The following ATP7B variants were observed in gnomAD, a reference collection of about 807,000 sequenced individuals.
The protein encoded by ATP7B is copper-transporting ATPase 2.
Under a neutral mutation model 118.9 loss-of-function variants are expected in ATP7B, and 113 were observed. The observed-to-expected ratio is 0.95, with a 90% CI of 0.82 to 1.11. The LOEUF (loss-of-function observed/expected upper bound fraction) is 1.11, where lower values mean the gene tolerates loss of function less well. ATP7B is among the 50% of genes most tolerant of loss of function. The pLI is 0.00. For missense variants in ATP7B, 1,867 were observed against 1,871.4 expected (o/e 1.00, Z 0.04); for synonymous variants, 777 against 727.4 (o/e 1.07, Z -1.10).
intron 1 of ATP7B, among the ~76,000 whole-genome samples, chr13:52,005,716 T>C (rs1366773136): frequency 6.6e-6 from 1 of 152,230 alleles, no homozygotes; most frequent in African/African-American, 2.4e-5. Context: ...TTCCAGCCTC[T>C]ACCCTTTACC....
At chr13:51,960,346 A>G in intron 6 of ATP7B, 24 bp from the exon 7 acceptor site, 2 of 1,608,934 alleles carry the variant, frequency 1.2e-6, no homozygotes, top group South Asian at 2.2e-5. Flanking sequence ...GCAGCAACAC[A>G]GATATATCAG....
chr13:51,977,915 T>C (rs1338761601), intron 1 of ATP7B, among the ~76,000 whole-genome samples: 2 of 152,220 alleles, frequency 1.3e-5, no homozygotes, highest in African/African-American at 4.8e-5. Context: ...GATGACATGG[T>C]ATAACAATAT....
At chr13:51,959,872 G>A in intron 7 of ATP7B, 1 of 487,276 alleles carries the variant, frequency 2.1e-6, no homozygotes, top group Non-Finnish European at 3.8e-6. Flanking sequence ...CAGCAAGGAG[G>A]TTGCTATTCC....
At chr13:51,968,732 CTGTT>C in intron 3 of ATP7B, 125 bp from the exon 4 acceptor site, 2 of 1,190,010 alleles carry the variant, frequency 1.7e-6, no homozygotes, top group South Asian at 1.3e-5. Context: ...TTTTCAAACA[CTGTT>C]TGAAAATGAG....
intron 3 of ATP7B, among the ~76,000 whole-genome samples, chr13:51,969,665 T>A (rs1216545656): frequency 6.6e-6 from 1 of 151,990 alleles, no homozygotes; most frequent in East Asian, 1.9e-4. Context: ...AGGATAAAAA[T>A]GAGGATTCAA....
chr13:52,004,562 G>A (rs1288117914), intron 1 of ATP7B, among the ~76,000 whole-genome samples: 3 of 152,132 alleles, frequency 2.0e-5, no homozygotes, highest in Non-Finnish European at 4.4e-5. Context: ...CATCAATCAG[G>A]AACCACCAAC....
At position 51,936,909 on chromosome 13, in the gene ATP7B, A is replaced by G. The variant is rs545013981; in HGVS notation, c.4021+367T>C. 2.0e-5 allele frequency among the ~76,000 whole-genome samples: 3 copies of G among 152,330 alleles called. No homozygotes were observed. In the East Asian group the frequency reaches 5.8e-4, roughly 29 times the overall value. On this transcript the variant is annotated intron_variant, in intron 19 of 20. Coordinates refer to ENST00000242839, the MANE Select transcript of ATP7B (RefSeq NM_000053.4). ...TTAATGTTCAGGATAAGGTTCTGAA[A>G]CACCAATAATTGTGCCTAGCATGTA...
chr13:51,974,441 T>C lies in ATP7B; in HGVS notation c.779A>G (p.Gln260Arg). 1 of 1,614,068 alleles carries C rather than the reference T, an allele frequency of 6.2e-7. No individual in the cohort carries two copies. The highest frequency in any genetic ancestry group is 1.1e-5 in the South Asian group (1 of 91,072). Residue 260 changes from glutamine to arginine, a missense_variant, in exon 2 of 21, where the codon CAA becomes CGA. By Grantham distance (43) the Gln-to-Arg change is conservative. Coordinates refer to ENST00000242839, the MANE Select transcript of ATP7B (RefSeq NM_000053.4). ...GHQGSHVVTLQLRIDGMHCKS... is the reference protein window; with the variant it reads ...GHQGSHVVTLRLRIDGMHCKS... ...ACAATGCATTCCATCTATTCTCAGT[T>C]GGAGGGTGACCACATGGCTTCCTTG...
intron 19 of ATP7B, among the ~76,000 whole-genome samples, chr13:51,936,818 T>G (rs946799519): frequency 6.6e-6 from 1 of 152,194 alleles, no homozygotes; most frequent in Admixed American, 6.5e-5. Flanking sequence ...TGAGCCACCA[T>G]GCCTGGTCAA....
At chr13:51,983,951 G>T (rs1374217031) in intron 1 of ATP7B, among the ~76,000 whole-genome samples, 1 of 152,094 alleles carries the variant, frequency 6.6e-6, no homozygotes, top group East Asian at 1.9e-4. Context: ...CATGAAGATG[G>T]GGAGAAACCA....
At chr13:51,937,179 C>T (rs1957018303) in intron 19 of ATP7B, 97 bp downstream of exon 19, 6 of 1,216,160 alleles carry the variant, frequency 4.9e-6, no homozygotes, top group Non-Finnish European at 7.3e-6. Context: ...CGCCTCTAGC[C>T]AGCCAGTGAG....
upstream of ATP7B, among the ~76,000 whole-genome samples, chr13:52,011,744 G>A (rs886736824): frequency 5.3e-5 from 8 of 152,252 alleles, no homozygotes; most frequent in South Asian, 2.1e-4. Flanking sequence ...CCGCAGGGCG[G>A]AGGCCTGTCC....
At chr13:51,959,187 T>G (rs1958565455) in intron 7 of ATP7B, 1 of 155,790 alleles carries the variant, frequency 6.4e-6, no homozygotes, top group African/African-American at 2.4e-5. Flanking sequence ...CGGTTTGAAT[T>G]GTTAATAATA....
intron 9 of ATP7B, among the ~76,000 whole-genome samples, chr13:51,957,143 T>C (rs1958398932): frequency 6.6e-6 from 1 of 152,248 alleles, no homozygotes; most frequent in Non-Finnish European, 1.5e-5. Flanking sequence ...CTTCAATTTT[T>C]ATTCTTTAGC....
rs111679901 is a variant in ATP7B, at chr13:51,980,772, C to T, written c.52-5604G>A. 4.6e-3 allele frequency among the ~76,000 whole-genome samples: 705 copies of T among 152,238 alleles called. 5 individuals carry two copies. Among genetic ancestry groups the T allele is most frequent in the African/African-American group, 0.015 (638 of 41,508 alleles). ...ATTCCCATCAACCTTAAATAGGATA[C>T]CAGTCAGTCCCCTGCTGCCTATCCT... is the stretch of plus-strand genomic sequence containing the variant. On this transcript the variant is annotated intron_variant, in intron 1 of 20. Transcript: ENST00000242839.
At chr13:52,011,882 ACC>A (rs928853879), upstream of ATP7B, 2 of 268,008 alleles carry the variant, frequency 7.5e-6, no homozygotes, top group Non-Finnish European at 1.5e-5. Context: ...CCCAGGGCTC[ACC>A]CACCGCCTGC....
chr13:51,957,927 T>C, intron 8 of ATP7B: 1 of 460,184 alleles, frequency 2.2e-6, no homozygotes, highest in Non-Finnish European at 4.0e-6. Flanking sequence ...CATTCTCTTG[T>C]AAGATACATT....
At position 51,933,964 on chromosome 13, in the gene ATP7B, A is replaced by T. The variant is rs1217104972; in HGVS notation, c.*792T>A. ...GAGGCCCTCACTCCAGCTGGTCAGCAACAACACTCTATTGAGAAGCCAACA... is the reference window on the plus strand; with the variant it reads ...GAGGCCCTCACTCCAGCTGGTCAGCTACAACACTCTATTGAGAAGCCAACA... On this transcript the variant is annotated 3_prime_UTR_variant, in exon 21 of 21. Transcript: ENST00000242839. The T allele has an allele frequency of 6.6e-6, 1 of 152,350 alleles. No individual in the cohort carries two copies. Among genetic ancestry groups the T allele is most frequent in the Non-Finnish European group, 1.5e-5 (1 of 68,192 alleles). The allele number at this position is 152,350 out of a possible 1,614,324, so 9.4% of individuals were successfully genotyped here.
chr13:52,006,114 G>A lies in ATP7B; in HGVS notation c.51+5173C>T, dbSNP rs540093968. On this transcript the variant is annotated intron_variant, in intron 1 of 20. Transcript: ENST00000242839. The stretch of plus-strand genomic sequence containing the variant: ...CGGCCCATCCCTTCCTTTCCCATAA[G>A]GGATACTTTTAGTTAATGAATATCT... Among the ~76,000 whole-genome samples, 3 of 152,300 alleles carry A rather than the reference G, an allele frequency of 2.0e-5. No individual in the cohort carries two copies. The East Asian group carries it at 5.8e-4, about 29-fold the overall frequency.
Sources: allele counts gnomAD v4.1 joint callset (sites outside exome capture counted in the v4.1 genomes callset), GRCh38; gene constraint gnomAD v4.1.1; transcripts MANE v1.5; gene names NCBI Gene and HGNC (gene_info 2026-07-23, HGNC 2026-07-21).